TRIM64C: variants seen among roughly 807,000 people sequenced by gnomAD.
The protein encoded by TRIM64C is tripartite motif-containing protein 64C.
In TRIM64C, 25 loss-of-function variants were observed where a neutral mutation model predicts 36.1. That is an observed-to-expected ratio of 0.69 (90% CI 0.51 to 0.97). TRIM64C has a LOEUF of 0.97. Ranked by LOEUF, TRIM64C falls within the 50% of genes least tolerant of loss-of-function variation. TRIM64C has a pLI of 0.00. For missense variants in TRIM64C, 489 were observed against 536.8 expected, an observed-to-expected ratio of 0.91 and a Z score of 0.88; for synonymous variants, 212 against 185.7, an observed-to-expected ratio of 1.14 and a Z score of -1.15.
At position 49,054,068 on chromosome 11, in the gene TRIM64C, C is replaced by A; in HGVS notation, c.999G>T (p.Ala333=). The part of the protein sequence containing the change: ...QGVESFAVWC[A]QAFTSGKHYW... ...AATGCTTGCCGGAGGTGAATGCTTG[C>A]GCACACCACACAGCAAAGCTCTCCA... Residue 333 remains alanine (A), a synonymous_variant, in exon 6 of 6, where the codon GCG becomes GCT. Transcript: ENST00000617704. 4 of 1,551,556 alleles carry A rather than the reference C, an allele frequency of 2.6e-6. No homozygotes were observed. Among genetic ancestry groups the A allele is most frequent in the Non-Finnish European group, 2.6e-6 (3 of 1,146,842 alleles).
intron 3 of TRIM64C, among the ~76,000 whole-genome samples, chr11:49,056,754 A>T (rs1233391715): frequency 6.6e-6 from 1 of 151,844 alleles, no homozygotes; most frequent in Non-Finnish European, 1.5e-5. Context: ...GCTTTGACAA[A>T]CCTTGCCCAG....
At position 49,053,767 on chromosome 11, in the gene TRIM64C, G is replaced by A; in HGVS notation, c.1300C>T (p.Pro434Ser). The A allele has an allele frequency of 6.4e-7, 1 of 1,551,140 alleles. No individual in the cohort carries two copies. The highest frequency in any genetic ancestry group is 2.4e-5 in the East Asian group (1 of 40,884). Residue 434 changes from proline to serine, a missense_variant, in exon 6 of 6, where the codon CCT becomes TCT. By Grantham distance (74) the Pro-to-Ser change is moderately conservative. Coordinates refer to ENST00000617704, the MANE Select transcript of TRIM64C (RefSeq NM_001206631.1). ...SKGSLIYGFP[P>S]SSFSSPLRPF... ...CTCAGAGGGGAAGAGAAGGAGGAAG[G>A]AGGAAAACCATAGATAAGAGAACCT... is the stretch of plus-strand genomic sequence containing the variant.
rs553776766 is a variant in TRIM64C, at chr11:49,057,289, C to T, written c.597G>A (p.Gln199=). 1.3e-6 allele frequency: 2 copies of T among 1,549,772 alleles called. No individual in the cohort carries two copies. The highest frequency in any genetic ancestry group is 2.4e-5 in the South Asian group (2 of 83,960). Residue 199 remains glutamine, a synonymous_variant, in exon 3 of 6, where the codon CAG becomes CAA. Transcript: ENST00000617704. ...FLDEEEQRHL[Q]ALEREAKELF... Reference sequence around the variant, plus strand: ...GCTCTTTTGCTTCTCTTTCCAGTGCCTGCAGATGCCGTTGCTCCTCCTCAT... The same window carrying T: ...GCTCTTTTGCTTCTCTTTCCAGTGCTTGCAGATGCCGTTGCTCCTCCTCAT...
Position 49,053,934 on chromosome 11 carries a change from G to GA in TRIM64C, c.1132dup (p.Ser378PhefsTer11), listed in dbSNP as rs1171052804. ...GTGATTGCTCGTCTTTGAAGAAATT[G>GA]AAAAAAATGTTTTGTCAGAATCAAT... is the stretch of plus-strand genomic sequence containing the variant. On this transcript the variant is annotated frameshift_variant, in exon 6 of 6. Transcript: ENST00000617704. LOFTEE classifies it low-confidence loss of function (END_TRUNC). 5 of 1,551,296 alleles carry GA rather than the reference G, an allele frequency of 3.2e-6. No homozygotes were observed. Among genetic ancestry groups the GA allele is most frequent in the African/African-American group, 2.7e-5 (2 of 72,980 alleles).
intron 2 of TRIM64C, 85 bp downstream of exon 2, chr11:49,057,993 A>G (rs934344584): frequency 3.8e-5 from 34 of 884,130 alleles, no homozygotes; most frequent in Non-Finnish European, 5.5e-5. Context: ...CTATCTTTTA[A>G]CTGGTAGTTT....
At position 49,055,393 on chromosome 11, in the gene TRIM64C, T is replaced by C; in HGVS notation, c.776A>G (p.Gln259Arg). The stretch of plus-strand genomic sequence containing the variant: ...GTTCACTGGCTGGGGCTTTGGCATC[T>C]GTGCCAAATCAGTTCTGCAAAAAAA... ...GNISARTDLA[Q>R]MPKPQPVNPE... The change falls in exon 5 of 6, where the codon CAG becomes CGG. Residue 259 changes from glutamine (Q) to arginine (R), a missense_variant. Gln to Arg is a conservative substitution (Grantham distance 43). Coordinates refer to ENST00000617704, the MANE Select transcript of TRIM64C (RefSeq NM_001206631.1). The C allele has an allele frequency of 5.9e-6, 9 of 1,515,778 alleles. No homozygotes were observed. The highest frequency in any genetic ancestry group is 7.0e-6 in the Non-Finnish European group (8 of 1,140,956). The allele number at this position is 1,515,778 out of a possible 1,614,324, so 93.9% of individuals were successfully genotyped here.
chr11:49,054,773 G>A (rs1854792931), intron 5 of TRIM64C, among the ~76,000 whole-genome samples: 1 of 152,088 alleles, frequency 6.6e-6, no homozygotes. Context: ...GCCTAACATT[G>A]TTAGGCCATG....
In TRIM64C at chr11:49,056,360, T is replaced by C; in HGVS notation, c.760A>G (p.Arg254Gly). 1 of 1,543,168 alleles carries C rather than the reference T, an allele frequency of 6.5e-7. No individual in the cohort carries two copies. The highest frequency in any genetic ancestry group is 8.8e-7 in the Non-Finnish European group (1 of 1,141,312). ...GCATTTTTTTTAGTGTAAACTCACCTTGCCGATATATTTCCCACATCCTGC... is the reference window on the plus strand; with the variant it reads ...GCATTTTTTTTAGTGTAAACTCACCCTGCCGATATATTTCCCACATCCTGC... ...LLQDVGNISA[R>G]TDLAQMPKPQ... Residue 254 changes from arginine (R) to glycine (G), a missense_variant and splice_region_variant, in exon 4 of 6, where the codon AGA (arginine) becomes GGA (glycine). Coordinates refer to ENST00000617704, the MANE Select transcript of TRIM64C (RefSeq NM_001206631.1).
chr11:49,058,201 T>G (rs1190485428), intron 1 of TRIM64C, 29 bp from the exon 2 acceptor site: 1 of 1,373,254 alleles, frequency 7.3e-7, no homozygotes, highest in Admixed American at 2.1e-5. Context: ...AGCTTAGCAA[T>G]GATGAAGACA....
At chr11:49,056,152 G>A (rs1854811134) in intron 4 of TRIM64C, among the ~76,000 whole-genome samples, 1 of 151,300 alleles carries the variant, frequency 6.6e-6, no homozygotes, top group Admixed American at 6.6e-5. Context: ...CTTCCGAATG[G>A]CAAATTGTTT....
In TRIM64C at chr11:49,053,786, A is replaced by G. The variant is rs976959987; in HGVS notation, c.1281T>C (p.Ser427=). 4.3e-5 allele frequency: 67 copies of G among 1,551,424 alleles called. No individual in the cohort carries two copies. In the Admixed American group the frequency reaches 1.3e-3, roughly 29 times the overall value. Residue 427 remains serine, a synonymous_variant, in exon 6 of 6, where the codon TCT becomes TCC. Transcript: ENST00000617704. The part of the protein sequence containing the change: ...SVSFFDVSKG[S]LIYGFPPSSF... ...AGGAAGGAGGAAAACCATAGATAAG[A>G]GAACCTTTAGAAACATCAAAAAAAC...
In TRIM64C at chr11:49,055,371, C is replaced by T. The variant is rs758372095; in HGVS notation, c.798G>A (p.Val266=). The change falls in exon 5 of 6, where the codon GTG becomes GTA. Residue 266 remains valine, a synonymous_variant. Transcript: ENST00000617704. ...DLAQMPKPQP[V]NPELTSWCIT... is the part of the protein sequence containing the mutation. ...TGCACCATGAAGTGAGCTCTGGGTT[C>T]ACTGGCTGGGGCTTTGGCATCTGTG... The T allele has an allele frequency of 2.5e-5, 38 of 1,535,146 alleles. No individual in the cohort carries two copies. In the Middle Eastern group the frequency reaches 6.7e-4, roughly 27 times the overall value.
intron 1 of TRIM64C, 100 bp downstream of exon 1, chr11:49,058,601 G>A (rs549490264): frequency 4.2e-5 from 64 of 1,507,154 alleles, no homozygotes; most frequent in Middle Eastern, 4.8e-4. Context: ...TGGAATAATC[G>A]CCACCTCCAC....
chr11:49,056,744 G>A lies in TRIM64C; in HGVS notation c.739-363C>T, dbSNP rs866481396. The stretch of plus-strand genomic sequence containing the variant: ...CAGAGTACATGGACATTGATGAGCC[G>A]CTTTGACAAACCTTGCCCAGGCAAG... On this transcript the variant is annotated intron_variant, in intron 3 of 5. Coordinates refer to ENST00000617704, the MANE Select transcript of TRIM64C (RefSeq NM_001206631.1). 9.2e-5 allele frequency among the ~76,000 whole-genome samples: 14 copies of A among 151,942 alleles called. 1 individual carries two copies. The South Asian group carries it at 1.9e-3, about 20-fold the overall frequency.
chr11:49,055,192 G>A (rs1301515852), intron 5 of TRIM64C, 118 bp downstream of exon 5: 26 of 1,266,286 alleles, frequency 2.1e-5, no homozygotes, highest in Non-Finnish European at 2.8e-5. Context: ...CACATGTTTT[G>A]GAAAACTATG....
Position 49,058,699 on chromosome 11 carries a change from A to C in TRIM64C, c.412+2T>G. 1 of 1,544,550 alleles carries C rather than the reference A, an allele frequency of 6.5e-7. No individual in the cohort carries two copies. The highest frequency in any genetic ancestry group is 1.4e-5 in the African/African-American group (1 of 72,662). ...TAATTCAAACTGCCTTAGAGGCATC[A>C]CGTACCCTGCATTCCTCAGCAGCCC... On this transcript the variant is annotated splice_donor_variant, in intron 1 of 5. Coordinates refer to ENST00000617704, the MANE Select transcript of TRIM64C (RefSeq NM_001206631.1). LOFTEE classifies it high-confidence loss of function.
Position 49,057,318 on chromosome 11 carries a change from G to A in TRIM64C, c.568C>T (p.Leu190Phe). The A allele has an allele frequency of 6.5e-7, 1 of 1,549,690 alleles. No homozygotes were observed. Among genetic ancestry groups the A allele is most frequent in the Non-Finnish European group, 8.7e-7 (1 of 1,146,964 alleles). The change falls in exon 3 of 6, where the codon CTC becomes TTC. Residue 190 changes from leucine to phenylalanine, a missense_variant. Coordinates refer to ENST00000617704, the MANE Select transcript of TRIM64C (RefSeq NM_001206631.1). ...AGATGCCGTTGCTCCTCCTCATCGA[G>A]AAATATATGCATCTTTTGATACTGA... Reference protein sequence around the residue: ...TIQYQKMHIFLDEEEQRHLQA... With the variant: ...TIQYQKMHIFFDEEEQRHLQA...
intron 2 of TRIM64C, chr11:49,057,832 G>C (rs766463363): frequency 3.9e-6 from 2 of 510,808 alleles, no homozygotes; most frequent in African/African-American, 2.0e-5. Flanking sequence ...TGTCTGAAAA[G>C]GTTTATGCCA....
rs1174359632 is a variant in TRIM64C, at chr11:49,054,164, G to A, written c.903C>T (p.Ser301=). Residue 301 remains serine (S), a synonymous_variant, in exon 6 of 6, where the codon AGC becomes AGT. Coordinates refer to ENST00000617704, the MANE Select transcript of TRIM64C (RefSeq NM_001206631.1). ...TCACACGTCTCACATCCTCAGAAAG[G>A]CTTATATAGCAAGGAGTCATTTCTG... is the stretch of plus-strand genomic sequence containing the variant. ...LSTEMTPCYI[S]LSEDVRRVIF... is the part of the protein sequence containing the mutation. 2.6e-6 allele frequency: 4 copies of A among 1,551,380 alleles called. No individual in the cohort carries two copies. The highest frequency in any genetic ancestry group is 1.7e-4 in the Middle Eastern group (1 of 6,010).
Sources: allele counts gnomAD v4.1 joint callset (sites outside exome capture counted in the v4.1 genomes callset), GRCh38; gene constraint gnomAD v4.1.1; transcripts MANE v1.5; gene names NCBI Gene and HGNC (gene_info 2026-07-23, HGNC 2026-07-21).